RBM27: variants seen among roughly 807,000 people sequenced by gnomAD.
The protein encoded by RBM27 is RNA-binding protein 27.
In RBM27, 22 loss-of-function variants were observed where a neutral mutation model predicts 135.3. The observed-to-expected ratio is 0.16, with a 90% CI of 0.12 to 0.23. The LOEUF is 0.23. RBM27 is among the 10% of genes least tolerant of loss of function. The pLI, the probability that RBM27 is intolerant of heterozygous loss-of-function variation, is 1.00. For synonymous variants in RBM27, 481 were observed against 442.4 expected, an observed-to-expected ratio of 1.09 and a Z score of -1.10; for missense variants, 1,009 against 1,281.0, an observed-to-expected ratio of 0.79 and a Z score of 3.24.
chr5:146,282,657 T>C (rs1367914697), intron 19 of RBM27, among the ~76,000 whole-genome samples: 2 of 151,994 alleles, frequency 1.3e-5, no homozygotes, highest in Non-Finnish European at 2.9e-5. Flanking sequence ...GATTACATGC[T>C]AATACTACAC....
intron 11 of RBM27, 109 bp from the exon 12 acceptor site, chr5:146,260,636 G>A: frequency 1.2e-6 from 1 of 857,580 alleles, no homozygotes; most frequent in Non-Finnish European, 1.7e-6. Context: ...ACCATGCCCA[G>A]CCACAAAAGG....
At chr5:146,222,318 G>A (rs1366721853) in intron 2 of RBM27, among the ~76,000 whole-genome samples, 1 of 152,226 alleles carries the variant, frequency 6.6e-6, no homozygotes, top group Non-Finnish European at 1.5e-5. Flanking sequence ...AGCAGAGTTT[G>A]TGTTGTGCTT....
intron 7 of RBM27, 66 bp downstream of exon 7, chr5:146,233,809 A>G (rs1025243176): frequency 1.3e-5 from 15 of 1,142,822 alleles, no homozygotes; most frequent in Non-Finnish European, 1.6e-5. Context: ...CCTTTTAGCT[A>G]ACTTGACACT....
At chr5:146,233,319 T>G in intron 6 of RBM27, 131 bp from the exon 7 acceptor site, 1 of 1,411,986 alleles carries the variant, frequency 7.1e-7, no homozygotes, top group Middle Eastern at 2.5e-4. Context: ...AGAGTAACAC[T>G]GAGACTTTGG....
chr5:146,234,068 A>G (rs1423969317), intron 7 of RBM27, among the ~76,000 whole-genome samples: 2 of 151,974 alleles, frequency 1.3e-5, no homozygotes, highest in Non-Finnish European at 2.9e-5. Context: ...GGGTCTCATT[A>G]TGTTGGCCAG....
intron 1 of RBM27, among the ~76,000 whole-genome samples, chr5:146,213,721 A>G (rs887155356): frequency 2.6e-5 from 4 of 152,198 alleles, no homozygotes; most frequent in African/African-American, 9.6e-5. Flanking sequence ...TATGAAGCTT[A>G]TGTACTGGCT....
intron 20 of RBM27, among the ~76,000 whole-genome samples, chr5:146,285,035 A>C (rs1327568289): frequency 6.6e-6 from 1 of 152,116 alleles, no homozygotes; most frequent in Non-Finnish European, 1.5e-5. Context: ...TAAATGAATT[A>C]AACTTTAATT....
At chr5:146,236,872 G>A (rs987239435) in intron 7 of RBM27, among the ~76,000 whole-genome samples, 19 of 149,418 alleles carry the variant, frequency 1.3e-4, no homozygotes, top group African/African-American at 3.4e-4. Context: ...GATCTGCCTC[G>A]GCCTCCCAAA....
At chr5:146,246,715 A>G (rs867738445) in intron 8 of RBM27, among the ~76,000 whole-genome samples, 2 of 152,160 alleles carry the variant, frequency 1.3e-5, no homozygotes, top group Non-Finnish European at 2.9e-5. Flanking sequence ...ACATATTATG[A>G]TGGAAAATTT....
Position 146,217,464 on chromosome 5 carries a change from GTTTT to G in RBM27, c.60-1497_60-1494del, listed in dbSNP as rs545963169. Among the ~76,000 whole-genome samples the G allele has an allele frequency of 5.2e-3, 367 of 70,724 alleles. 1 individual carries two copies. The highest frequency in any genetic ancestry group is 7.6e-3 in the Non-Finnish European group (292 of 38,554). 46.4% of individuals were successfully genotyped at this position (70,724 alleles called of 152,430 possible). ...GATTGATACTCTTGAGCTGAAGCCTGTTTTTTTTTTTTTTTTTTTTTTTTTTTGG... is the reference window on the plus strand; with the variant it reads ...GATTGATACTCTTGAGCTGAAGCCTGTTTTTTTTTTTTTTTTTTTTTTTGG... On this transcript the variant is annotated intron_variant, in intron 1 of 20. Coordinates refer to ENST00000265271, the MANE Select transcript of RBM27 (RefSeq NM_018989.2).
intron 10 of RBM27, among the ~76,000 whole-genome samples, chr5:146,257,789 T>C (rs1270334028): frequency 2.6e-5 from 4 of 152,074 alleles, no homozygotes; most frequent in African/African-American, 9.7e-5. Flanking sequence ...GTGATCATTG[T>C]TGGAGCTCTC....
At chr5:146,237,223 C>A in intron 7 of RBM27, 75 bp from the exon 8 acceptor site, 1 of 1,558,316 alleles carries the variant, frequency 6.4e-7, no homozygotes, top group Non-Finnish European at 8.8e-7. Flanking sequence ...CAGGTGTGAG[C>A]CACTGCTCCT....
chr5:146,220,944 G>A (rs544877480), intron 2 of RBM27, among the ~76,000 whole-genome samples: 1 of 152,140 alleles, frequency 6.6e-6, no homozygotes, highest in South Asian at 2.1e-4. Context: ...TTGGCCAGGC[G>A]CGGTGGCTCA....
intron 1 of RBM27, among the ~76,000 whole-genome samples, chr5:146,207,693 C>T (rs1470709950): frequency 8.1e-5 from 11 of 136,448 alleles, no homozygotes; most frequent in East Asian, 2.2e-4. Context: ...GGGTCTCTGT[C>T]GCCCAGGCTG....
At chr5:146,228,871 G>A (rs1561533529) in intron 3 of RBM27, 75 bp from the exon 4 acceptor site, 9 of 1,213,912 alleles carry the variant, frequency 7.4e-6, no homozygotes, top group East Asian at 2.4e-5. Context: ...CCTGGACCTC[G>A]TAAAATGTTG....
intron 1 of RBM27, among the ~76,000 whole-genome samples, chr5:146,212,476 G>GT (rs1756008486): frequency 1.3e-5 from 2 of 151,934 alleles, no homozygotes; most frequent in South Asian, 2.1e-4. Context: ...AGCCTCCTGA[G>GT]TAGCTGGGAC....
intron 13 of RBM27, among the ~76,000 whole-genome samples, chr5:146,262,890 CTTT>C (rs1156565843): frequency 3.6e-5 from 5 of 140,484 alleles, no homozygotes; most frequent in Admixed American, 7.2e-5. Context: ...TTCTTTTTTC[CTTT>C]TTTTTTTTTT....
chr5:146,249,631 G>T (rs1379802039), intron 8 of RBM27, among the ~76,000 whole-genome samples: 1 of 139,906 alleles, frequency 7.1e-6, no homozygotes, highest in Non-Finnish European at 1.5e-5. Flanking sequence ...AGGTCGCCGT[G>T]AGCCCAGATC....
chr5:146,283,724 C>G (rs993468737), intron 19 of RBM27, among the ~76,000 whole-genome samples: 1 of 152,102 alleles, frequency 6.6e-6, no homozygotes, highest in African/African-American at 2.4e-5. Flanking sequence ...ATTTATGAGT[C>G]TGCTCTAATG....
Sources: gnomAD v4.1 joint callset for allele counts (sites outside exome capture counted in the v4.1 genomes callset) on GRCh38, gnomAD v4.1.1 for gene constraint, MANE v1.5 for transcripts, NCBI Gene and HGNC (gene_info 2026-07-23, HGNC 2026-07-21) for gene names.